Variants in FGF7 observed in about 807,000 individuals in gnomAD.
FGF7 encodes the protein fibroblast growth factor 7.
In FGF7, 6 loss-of-function variants were observed where a neutral mutation model predicts 20.5. The observed-to-expected ratio is 0.29, with a 90% CI of 0.16 to 0.58. The LOEUF (loss-of-function observed/expected upper bound fraction) is 0.58. Ranked by LOEUF, FGF7 falls within the 20% of genes least tolerant of loss-of-function variation. The pLI is 0.90. For synonymous variants in FGF7, 64 were observed against 74.7 expected, an observed-to-expected ratio of 0.86 and a Z score of 0.74; for missense variants, 144 against 228.8, an observed-to-expected ratio of 0.63 and a Z score of 2.39.
intron 2 of FGF7, among the ~76,000 whole-genome samples, chr15:49,480,641 C>T (rs1341926097): frequency 1.6e-4 from 24 of 152,018 alleles, no homozygotes; most frequent in Admixed American, 1.6e-3. Flanking sequence ...GCCACCACAC[C>T]CGGATAATTT....
At chr15:49,479,597 C>CTTTTTTTT (rs1567359064) in intron 2 of FGF7, among the ~76,000 whole-genome samples, 5 of 102,078 alleles carry the variant, frequency 4.9e-5, no homozygotes, top group Admixed American at 1.1e-4. Context: ...GTTAATACCT[C>CTTTTTTTT]TGTTTTTTTT....
intron 2 of FGF7, among the ~76,000 whole-genome samples, chr15:49,442,346 C>G (rs73400205): frequency 2.6e-5 from 4 of 151,462 alleles, no homozygotes; most frequent in Non-Finnish European, 4.4e-5. Context: ...CAACTCTCCA[C>G]GAAGCTCCCC....
chr15:49,443,568 T>C lies in FGF7; in HGVS notation c.286+18985T>C, dbSNP rs190968071. 2.1e-3 allele frequency among the ~76,000 whole-genome samples: 319 copies of C among 151,828 alleles called. 3 individuals carry two copies. Among genetic ancestry groups the C allele is most frequent in the Middle Eastern group, 0.017 (5 of 294 alleles). ...GTGTCTATAACTGTTTCATTGTGAA[T>C]AGAACAAAAATGAGAAAATAGTTTT... On this transcript the variant is annotated intron_variant, in intron 2 of 3. Transcript: ENST00000267843.
chr15:49,436,703 C>A (rs1265631724), intron 2 of FGF7, among the ~76,000 whole-genome samples: 1 of 151,492 alleles, frequency 6.6e-6, no homozygotes, highest in Non-Finnish European at 1.5e-5. Context: ...CTCTAGGTTA[C>A]ATAGCTAGTA....
At chr15:49,466,214 C>G (rs2054253371) in intron 2 of FGF7, among the ~76,000 whole-genome samples, 1 of 152,196 alleles carries the variant, frequency 6.6e-6, no homozygotes. Flanking sequence ...CCTGTTGGAT[C>G]AGACTTTCTG....
At chr15:49,480,476 T>TA (rs1025003311) in intron 2 of FGF7, among the ~76,000 whole-genome samples, 1 of 94,564 alleles carries the variant, frequency 1.1e-5, no homozygotes, top group African/African-American at 3.0e-5. Context: ...CCCAACTAAT[T>TA]TTTTTTTTTT....
chr15:49,430,815 G>A (rs1224878609), intron 2 of FGF7, among the ~76,000 whole-genome samples: 1 of 151,778 alleles, frequency 6.6e-6, no homozygotes. Context: ...CCTCTCAATG[G>A]TCCCATCTCT....
chr15:49,482,917 T>G (rs1449328488), intron 2 of FGF7, among the ~76,000 whole-genome samples: 3 of 151,954 alleles, frequency 2.0e-5, no homozygotes, highest in Non-Finnish European at 4.4e-5. Flanking sequence ...ATTTATTTGA[T>G]ACAGACACAT....
intron 2 of FGF7, among the ~76,000 whole-genome samples, chr15:49,434,036 G>A (rs573361887): frequency 1.5e-4 from 23 of 151,762 alleles, no homozygotes; most frequent in African/African-American, 5.1e-4. Flanking sequence ...CATATGCATA[G>A]GAAGAGAGAA....
intron 2 of FGF7, among the ~76,000 whole-genome samples, chr15:49,429,212 A>G (rs988623326): frequency 6.6e-6 from 1 of 151,974 alleles, no homozygotes; most frequent in Non-Finnish European, 1.5e-5. Flanking sequence ...GTCGAACCAA[A>G]ATCCTAGCAA....
Position 49,466,142 on chromosome 15 carries a change from C to T in FGF7, c.287-17009C>T, listed in dbSNP as rs143815530. Among the ~76,000 whole-genome samples the T allele has an allele frequency of 2.0e-3, 298 of 152,242 alleles. 2 individuals are homozygous for T. The highest frequency in any genetic ancestry group is 6.9e-3 in the African/African-American group (285 of 41,566). On this transcript the variant is annotated intron_variant, in intron 2 of 3. Coordinates refer to ENST00000267843, the MANE Select transcript of FGF7 (RefSeq NM_002009.4). The stretch of plus-strand genomic sequence containing the variant: ...AATCACTATGGAGAAACTGGAATTT[C>T]AATTTGGGTACTCAGGTAGGTGGAA...
chr15:49,445,881 T>C (rs1196623064), intron 2 of FGF7, among the ~76,000 whole-genome samples: 2 of 151,538 alleles, frequency 1.3e-5, no homozygotes, highest in Admixed American at 1.3e-4. Flanking sequence ...TGAAATTAGA[T>C]AGAAAGTTTA....
At chr15:49,440,494 C>G (rs1017538878) in intron 2 of FGF7, among the ~76,000 whole-genome samples, 2 of 151,682 alleles carry the variant, frequency 1.3e-5, no homozygotes, top group African/African-American at 2.4e-5. Context: ...ATTGAAACTA[C>G]TTAATGTCCT....
intron 2 of FGF7, among the ~76,000 whole-genome samples, chr15:49,446,321 A>G (rs1296620883): frequency 1.3e-5 from 2 of 151,640 alleles, no homozygotes; most frequent in Non-Finnish European, 3.0e-5. Context: ...CAGTACTCAT[A>G]GAGCACCTTC....
intron 2 of FGF7, among the ~76,000 whole-genome samples, chr15:49,455,913 A>G (rs763280615): frequency 6.6e-6 from 1 of 152,038 alleles, no homozygotes; most frequent in Non-Finnish European, 1.5e-5. Flanking sequence ...CTAGAGCTCC[A>G]AATGTGTTGG....
chr15:49,433,280 T>A (rs1395772494), intron 2 of FGF7, among the ~76,000 whole-genome samples: 1 of 151,630 alleles, frequency 6.6e-6, no homozygotes, highest in Non-Finnish European at 1.5e-5. Context: ...CTGTTTGCAT[T>A]TGGCACTGTC....
At chr15:49,448,187 C>T (rs1033279911) in intron 2 of FGF7, among the ~76,000 whole-genome samples, 7 of 151,834 alleles carry the variant, frequency 4.6e-5, no homozygotes, top group African/African-American at 1.7e-4. Flanking sequence ...TCATAAATTA[C>T]TAGAACTTTC....
intron 2 of FGF7, among the ~76,000 whole-genome samples, chr15:49,426,490 T>C (rs1013328429): frequency 3.9e-5 from 6 of 152,088 alleles, no homozygotes; most frequent in South Asian, 4.1e-4. Flanking sequence ...TGAAAATGAA[T>C]AGTATGCATA....
intron 2 of FGF7, among the ~76,000 whole-genome samples, chr15:49,442,887 A>G (rs1255448462): frequency 6.6e-6 from 1 of 151,724 alleles, no homozygotes; most frequent in East Asian, 1.9e-4. Flanking sequence ...TCACACCACT[A>G]ATGATTAGGT....
Sources: gnomAD v4.1 joint callset for allele counts (sites outside exome capture counted in the v4.1 genomes callset) on GRCh38, gnomAD v4.1.1 for gene constraint, MANE v1.5 for transcripts, NCBI Gene and HGNC (gene_info 2026-07-23, HGNC 2026-07-21) for gene names.